The following DPYSL2 variants were observed in gnomAD, a reference collection of about 807,000 sequenced individuals.
DPYSL2 encodes the protein dihydropyrimidinase-related protein 2.
A neutral mutation model predicts 69.9 loss-of-function variants in DPYSL2; 13 were observed. The observed-to-expected ratio is 0.19, with a 90% CI of 0.12 to 0.30. DPYSL2 has a LOEUF of 0.30. DPYSL2 is among the 10% of genes least tolerant of loss of function. The pLI, the probability that DPYSL2 is intolerant of heterozygous loss-of-function variation, is 1.00. For missense variants in DPYSL2, 587 were observed against 918.9 expected (o/e 0.64, Z 4.67); for synonymous variants, 326 against 359.1 (o/e 0.91, Z 1.04).
intron 3 of DPYSL2, among the ~76,000 whole-genome samples, chr8:26,603,361 C>T (rs887689811): frequency 7.2e-5 from 11 of 151,938 alleles, no homozygotes; most frequent in Admixed American, 7.2e-4. Flanking sequence ...TTAGTAGAGA[C>T]GGGGTTTCAC....
intron 1 of DPYSL2, among the ~76,000 whole-genome samples, chr8:26,538,895 C>A (rs1800637436): frequency 6.6e-6 from 1 of 152,148 alleles, no homozygotes; most frequent in Non-Finnish European, 1.5e-5. Flanking sequence ...CACCAAGGAC[C>A]CCAACAACCC....
intron 3 of DPYSL2, among the ~76,000 whole-genome samples, chr8:26,601,532 CAT>C (rs1801993185): frequency 6.6e-6 from 1 of 152,176 alleles, no homozygotes; most frequent in Non-Finnish European, 1.5e-5. Flanking sequence ...TGCCCGCCAA[CAT>C]GCCCGGCTAA....
Position 26,627,353 on chromosome 8 carries a change from A to G in DPYSL2, c.936+58A>G. 1 of 1,551,654 alleles carries G rather than the reference A, an allele frequency of 6.4e-7. No individual in the cohort carries two copies. Among genetic ancestry groups the G allele is most frequent in the Admixed American group, 1.7e-5 (1 of 59,600 alleles). On this transcript the variant is annotated intron_variant, in intron 6 of 13. Transcript: ENST00000521913. This position sits in a 1 kb window ranked among gnomAD's most constrained non-coding sequence, Gnocchi z 6.9. ...CACCTGGAGGGTGAGAGGCAGGCTCAAGAAAGGGAAGCTGCATCTGTAGCT... is the reference window on the plus strand; with the variant it reads ...CACCTGGAGGGTGAGAGGCAGGCTCGAGAAAGGGAAGCTGCATCTGTAGCT...
intron 1 of DPYSL2, among the ~76,000 whole-genome samples, chr8:26,515,103 G>A (rs1808255799): frequency 6.6e-6 from 1 of 152,198 alleles, no homozygotes; most frequent in African/African-American, 2.4e-5. Flanking sequence ...GTGAAGGCCC[G>A]CGGCTCCCCG....
chr8:26,637,046 C>T lies in DPYSL2; in HGVS notation c.1126+2146C>T, dbSNP rs1301438792. ...CATGAGCCACTGCACCTGGCCACCC[C>T]TATTGTCTTTATAACCTTGACACAC... is the stretch of plus-strand genomic sequence containing the variant. On this transcript the variant is annotated intron_variant, in intron 8 of 13. Coordinates refer to ENST00000521913, the MANE Select transcript of DPYSL2 (RefSeq NM_001197293.3). 2.6e-5 allele frequency among the ~76,000 whole-genome samples: 4 copies of T among 152,300 alleles called. 1 individual carries two copies. The South Asian group carries it at 8.3e-4, about 32-fold the overall frequency.
At chr8:26,541,616 A>G (rs35298960) in intron 1 of DPYSL2, among the ~76,000 whole-genome samples, 12,565 of 152,282 alleles carry the variant, frequency 0.083, 718 homozygotes, top group Non-Finnish European at 0.12. Flanking sequence ...GTTAATAGAG[A>G]AAATGTCGCT....
Position 26,585,886 on chromosome 8 carries a change from T to A in DPYSL2, c.628+1903T>A, listed in dbSNP as rs1268221870. On this transcript the variant is annotated intron_variant, in intron 3 of 13. Coordinates refer to ENST00000521913, the MANE Select transcript of DPYSL2 (RefSeq NM_001197293.3). This position sits in a 1 kb window ranked among gnomAD's most constrained non-coding sequence, Gnocchi z 4.0. Reference sequence around the variant, plus strand: ...CAGCACTTTGGGAGCCTGAGGTGGGTGGATCACTTGAGGTCAGGAATTTGA... The same window carrying A: ...CAGCACTTTGGGAGCCTGAGGTGGGAGGATCACTTGAGGTCAGGAATTTGA... 1.3e-5 allele frequency among the ~76,000 whole-genome samples: 2 copies of A among 151,998 alleles called. No homozygotes were observed. Among genetic ancestry groups the A allele is most frequent in the African/African-American group, 4.8e-5 (2 of 41,390 alleles).
At chr8:26,634,628 C>G in intron 7 of DPYSL2, 152 bp from the exon 8 acceptor site, 1 of 1,304,186 alleles carries the variant, frequency 7.7e-7, no homozygotes, top group Non-Finnish European at 1.1e-6. Flanking sequence ...AGACACAAGG[C>G]AAGTCATACT....
At chr8:26,596,500 TGCC>T (rs1485392015) in intron 3 of DPYSL2, among the ~76,000 whole-genome samples, 3 of 152,208 alleles carry the variant, frequency 2.0e-5, no homozygotes, top group Non-Finnish European at 4.4e-5. Flanking sequence ...TCCACAGACC[TGCC>T]GGGAGTCATG....
intron 3 of DPYSL2, among the ~76,000 whole-genome samples, chr8:26,601,449 C>T (rs988308649): frequency 1.3e-5 from 2 of 152,048 alleles, no homozygotes; most frequent in Non-Finnish European, 2.9e-5. Context: ...GCCATCTCAG[C>T]TCACTGCAAG....
Position 26,644,238 on chromosome 8 carries a change from GT to G in DPYSL2, c.1425+149del, listed in dbSNP as rs1191202428. On this transcript the variant is annotated intron_variant, in intron 10 of 13. Coordinates refer to ENST00000521913, the MANE Select transcript of DPYSL2 (RefSeq NM_001197293.3). This position sits in a 1 kb window ranked among gnomAD's most constrained non-coding sequence, Gnocchi z 4.5. ...TACTTATATGACAATATTTCTGAGG[GT>G]TGGAAATCTAAGACCTCTTCTAATA... 1.3e-4 allele frequency: 120 copies of G among 944,152 alleles called. No homozygotes were observed. In the East Asian group the frequency reaches 3.3e-3, roughly 26 times the overall value. The allele number at this position is 944,152 out of a possible 1,614,324, so 58.5% of individuals were successfully genotyped here.
rs146283149 is a variant in DPYSL2 at position 26,533,396 on chromosome 8, T to C, written c.354+18717T>C. On this transcript the variant is annotated intron_variant, in intron 1 of 13. Coordinates refer to ENST00000521913, the MANE Select transcript of DPYSL2 (RefSeq NM_001197293.3). This position sits in a 1 kb window ranked among gnomAD's most constrained non-coding sequence, Gnocchi z 4.8. The stretch of plus-strand genomic sequence containing the variant: ...AAGTGTAACTTATCTATCTTTTCTT[T>C]TGTTGCTTGTACTTTTGGTATCCTA... Among the ~76,000 whole-genome samples, 218 of 152,382 alleles carry C rather than the reference T, an allele frequency of 1.4e-3. 2 individuals are homozygous for C. The East Asian group carries it at 0.03, about 21-fold the overall frequency.
intron 1 of DPYSL2, among the ~76,000 whole-genome samples, chr8:26,561,884 TGA>T (rs1801076811): frequency 6.6e-6 from 1 of 152,144 alleles, no homozygotes; most frequent in Non-Finnish European, 1.5e-5. Flanking sequence ...CCTCCTACTG[TGA>T]GGCCCAGTTC....
chr8:26,613,168 A>C (rs1327704172), intron 3 of DPYSL2, among the ~76,000 whole-genome samples: 6 of 152,226 alleles, frequency 3.9e-5, no homozygotes, highest in Non-Finnish European at 7.3e-5. Context: ...GCCTGTGTTC[A>C]TCCAGGAAAA....
intron 1 of DPYSL2, among the ~76,000 whole-genome samples, chr8:26,545,272 G>A (rs138464658): frequency 0.014 from 2,131 of 152,214 alleles, 24 homozygotes; most frequent in Non-Finnish European, 0.022. Context: ...CACAAAATGA[G>A]TCTTAACAAA....
chr8:26,636,046 A>G lies in DPYSL2; in HGVS notation c.1126+1146A>G, dbSNP rs549924994. On this transcript the variant is annotated intron_variant, in intron 8 of 13. Coordinates refer to ENST00000521913, the MANE Select transcript of DPYSL2 (RefSeq NM_001197293.3). ...GAGATGATGACTTCCAGACGGACCC[A>G]GCGACTCCTGGCCCTGGTTCTTTGG... Among the ~76,000 whole-genome samples the G allele has an allele frequency of 5.9e-5, 9 of 152,294 alleles. No individual in the cohort carries two copies. In the South Asian group the frequency reaches 6.2e-4, roughly 11 times the overall value.
rs1222445384 is a variant in DPYSL2 at position 26,560,790 on chromosome 8, C to A, written c.355-21179C>A. Among the ~76,000 whole-genome samples, 1 of 152,170 alleles carries A rather than the reference C, an allele frequency of 6.6e-6. No homozygotes were observed. Among genetic ancestry groups the A allele is most frequent in the Non-Finnish European group, 1.5e-5 (1 of 68,030 alleles). On this transcript the variant is annotated intron_variant, in intron 1 of 13. Transcript: ENST00000521913. This position sits in a 1 kb window ranked among gnomAD's most constrained non-coding sequence, Gnocchi z 4.4. ...TCCTTTTAGTAAAGGTGCATGTGGACATTAGTATGATCTATGTAAGTATAA... is the reference window on the plus strand; with the variant it reads ...TCCTTTTAGTAAAGGTGCATGTGGAAATTAGTATGATCTATGTAAGTATAA...
Position 26,647,748 on chromosome 8 carries a change from T to C in DPYSL2, c.1544T>C (p.Val515Ala). ...RIAVGSDADL[V>A]IWDPDSVKTI... ...GCTGTGGGATCCGATGCCGACCTGG[T>C]CATCTGGGACCCCGACAGCGTTAAA... is the stretch of plus-strand genomic sequence containing the variant. The change falls in exon 11 of 14, where the codon GTC (valine) becomes GCC (alanine). Residue 515 changes from valine (V) to alanine (A), a missense_variant. By Grantham distance (64) the Val-to-Ala change is moderately conservative. Transcript: ENST00000521913. This position sits in a 1 kb window ranked among gnomAD's most constrained non-coding sequence, Gnocchi z 5.1. 1.2e-6 allele frequency: 2 copies of C among 1,614,026 alleles called. No individual in the cohort carries two copies. Among genetic ancestry groups the C allele is most frequent in the Non-Finnish European group, 1.7e-6 (2 of 1,179,994 alleles).
At chr8:26,566,027 T>A (rs763532171) in intron 1 of DPYSL2, among the ~76,000 whole-genome samples, 29 of 152,314 alleles carry the variant, frequency 1.9e-4, no homozygotes, top group Middle Eastern at 6.8e-3. Flanking sequence ...GAGGAGAGCC[T>A]GGATTTCATG....
Sources: gnomAD v4.1 joint callset for allele counts (sites outside exome capture counted in the v4.1 genomes callset) on GRCh38, gnomAD v4.1.1 for gene constraint, Gnocchi (gnomAD v3.1) non-coding constraint, MANE v1.5 for transcripts, NCBI Gene and HGNC (gene_info 2026-07-23, HGNC 2026-07-21) for gene names.